PDS5A: variants seen among roughly 807,000 people sequenced by gnomAD.
PDS5A encodes sister chromatid cohesion protein PDS5 homolog A.
In PDS5A, 42 loss-of-function variants were observed where a neutral mutation model predicts 167.1. That is an observed-to-expected ratio of 0.25 (90% confidence interval 0.20 to 0.33). PDS5A has a LOEUF of 0.33. Ranked by LOEUF, PDS5A falls within the 10% of genes least tolerant of loss-of-function variation. The pLI is 1.00. For synonymous variants in PDS5A, 553 were observed against 554.6 expected, an observed-to-expected ratio of 1.00 and a Z score of 0.04; for missense variants, 1,033 against 1,605.9, an observed-to-expected ratio of 0.64 and a Z score of 6.10.
intron 28 of PDS5A, chr4:39,847,132 A>G (rs1327098075): frequency 1.3e-5 from 2 of 152,180 alleles, no homozygotes; most frequent in African/African-American, 4.8e-5. Flanking sequence ...ACTCTGTAAC[A>G]CTGAAGGTAA....
At chr4:39,920,949 G>A (rs1578746005) in intron 6 of PDS5A, among the ~76,000 whole-genome samples, 1 of 152,240 alleles carries the variant, frequency 6.6e-6, no homozygotes, top group East Asian at 1.9e-4. Context: ...GATCTGAGAA[G>A]GACCTTAGAA....
intron 2 of PDS5A, chr4:39,973,939 C>T: frequency 1.8e-6 from 1 of 559,952 alleles, no homozygotes; most frequent in Non-Finnish European, 3.3e-6. Context: ...TCCTGGCTAA[C>T]ACGGTGAAAC....
chr4:39,962,255 A>G (rs1729549106), intron 2 of PDS5A, among the ~76,000 whole-genome samples: 4 of 151,400 alleles, frequency 2.6e-5, no homozygotes, highest in Admixed American at 2.0e-4. Context: ...ACGGGGTTTC[A>G]CTGTGTTAGC....
At chr4:39,955,944 A>G (rs935748295) in intron 2 of PDS5A, among the ~76,000 whole-genome samples, 1 of 151,934 alleles carries the variant, frequency 6.6e-6, no homozygotes, top group Non-Finnish European at 1.5e-5. Context: ...GCGAAACCCC[A>G]TCTCTACTAA....
chr4:39,976,350 G>A, intron 2 of PDS5A, 90 bp downstream of exon 2: 1 of 1,099,430 alleles, frequency 9.1e-7, no homozygotes, highest in Non-Finnish European at 1.3e-6. Flanking sequence ...TAAAAAACTT[G>A]GAACTTTAAA....
intron 22 of PDS5A, among the ~76,000 whole-genome samples, chr4:39,868,267 C>T (rs1719725829): frequency 6.6e-6 from 1 of 152,170 alleles, no homozygotes; most frequent in Non-Finnish European, 1.5e-5. Context: ...CTCAAGCGAT[C>T]CTCCTGCCTC....
intron 19 of PDS5A, among the ~76,000 whole-genome samples, chr4:39,876,736 T>C (rs1247356957): frequency 1.3e-5 from 2 of 152,232 alleles, no homozygotes; most frequent in African/African-American, 4.8e-5. Flanking sequence ...GTGATAACTT[T>C]TGATTCTTAA....
intron 2 of PDS5A, among the ~76,000 whole-genome samples, chr4:39,952,752 G>C (rs1055207711): frequency 2.6e-5 from 3 of 115,398 alleles, no homozygotes; most frequent in African/African-American, 9.7e-5. Context: ...TTTTGAGACT[G>C]AGTTTTGCTC....
At chr4:39,892,214 G>C (rs530483371) in intron 16 of PDS5A, among the ~76,000 whole-genome samples, 1 of 152,322 alleles carries the variant, frequency 6.6e-6, no homozygotes, top group South Asian at 2.1e-4. Flanking sequence ...CCGAGGTGAC[G>C]GATCGTTTGA....
chr4:39,899,536 A>C (rs1157479909), intron 14 of PDS5A, among the ~76,000 whole-genome samples: 1 of 152,114 alleles, frequency 6.6e-6, no homozygotes, highest in Non-Finnish European at 1.5e-5. Context: ...TGTTTTTGCT[A>C]TCTGTTGATT....
intron 20 of PDS5A, 54 bp downstream of exon 20, chr4:39,874,235 A>G: frequency 3.4e-6 from 5 of 1,484,652 alleles, no homozygotes; most frequent in Non-Finnish European, 4.6e-6. Context: ...TCATCAAACT[A>G]TAGAGCTTAA....
At chr4:39,846,446 C>T (rs1192688496) in intron 28 of PDS5A, 19 of 152,194 alleles carry the variant, frequency 1.2e-4, no homozygotes, top group Admixed American at 1.2e-3. Flanking sequence ...TGCGGTAAGC[C>T]GAGATCGTGC....
At chr4:39,915,646 T>C (rs1206035272) in intron 8 of PDS5A, among the ~76,000 whole-genome samples, 2 of 152,196 alleles carry the variant, frequency 1.3e-5, no homozygotes, top group South Asian at 4.1e-4. Context: ...AGGTATGAGC[T>C]ACCGCACTTG....
At position 39,877,124 on chromosome 4, in the gene PDS5A, G is replaced by T; in HGVS notation, c.2022C>A (p.Phe674Leu). ...KVLSFTHPTS[F>L]HSAETYESLL... ...AGGACTCATATGTCTCTGCAGAGTG[G>T]AACGAGGTAGGATGTGTAAAAGACA... Residue 674 changes from phenylalanine (F) to leucine (L), a missense_variant, in exon 19 of 33, where the codon TTC (phenylalanine) becomes TTA (leucine). Phe to Leu is a conservative substitution (Grantham distance 22). Transcript: ENST00000303538. 6.2e-7 allele frequency: 1 copy of T among 1,601,002 alleles called. No homozygotes were observed. Among genetic ancestry groups the T allele is most frequent in the Non-Finnish European group, 8.5e-7 (1 of 1,172,026 alleles).
intron 2 of PDS5A, among the ~76,000 whole-genome samples, chr4:39,975,045 T>C (rs984511150): frequency 1.9e-4 from 28 of 148,022 alleles, no homozygotes; most frequent in Non-Finnish European, 3.3e-4. Flanking sequence ...GAGGTGGAGG[T>C]TGCAGTGGGC....
At chr4:39,854,177 C>T (rs1320996721) in intron 26 of PDS5A, among the ~76,000 whole-genome samples, 1 of 152,118 alleles carries the variant, frequency 6.6e-6, no homozygotes, top group African/African-American at 2.4e-5. Flanking sequence ...GTGGTGCATG[C>T]CTGTAGTCCC....
intron 6 of PDS5A, among the ~76,000 whole-genome samples, chr4:39,921,507 G>A (rs1003999139): frequency 1.3e-5 from 2 of 151,388 alleles, no homozygotes; most frequent in Non-Finnish European, 2.9e-5. Flanking sequence ...AGGCTAAAAC[G>A]GGCAGATCGC....
intron 2 of PDS5A, among the ~76,000 whole-genome samples, chr4:39,935,815 T>C (rs1002984866): frequency 3.3e-5 from 5 of 152,230 alleles, no homozygotes; most frequent in African/African-American, 7.2e-5. Flanking sequence ...CAGATAACTG[T>C]ATGGCAGTTC....
chr4:39,871,476 G>A (rs951905098), intron 21 of PDS5A, among the ~76,000 whole-genome samples: 1 of 152,138 alleles, frequency 6.6e-6, no homozygotes, highest in Admixed American at 6.5e-5. Flanking sequence ...GTTCAAAAGT[G>A]GAAGGTGGTA....
Sources: gnomAD v4.1 joint callset for allele counts (sites outside exome capture counted in the v4.1 genomes callset) on GRCh38, gnomAD v4.1.1 for gene constraint, MANE v1.5 for transcripts, NCBI Gene and HGNC (gene_info 2026-07-23, HGNC 2026-07-21) for gene names.